The following MYO1F variants were observed in gnomAD, a reference collection of about 807,000 sequenced individuals.
The protein encoded by MYO1F is myosin IF.
In MYO1F, 60 loss-of-function variants were observed where a neutral mutation model predicts 146.6. The observed-to-expected ratio is 0.41, with a 90% confidence interval of 0.33 to 0.51. The LOEUF (loss-of-function observed/expected upper bound fraction) is 0.51. MYO1F is among the 20% of genes least tolerant of loss of function. The pLI is 0.25. For synonymous variants in MYO1F, 602 were observed against 602.1 expected, an observed-to-expected ratio of 1.00 and a Z score of 0.00; for missense variants, 1,274 against 1,534.3, an observed-to-expected ratio of 0.83 and a Z score of 2.83.
intron 19 of MYO1F, among the ~76,000 whole-genome samples, chr19:8,532,674 C>T (rs186934753): frequency 3.3e-5 from 5 of 151,952 alleles, no homozygotes; most frequent in Admixed American, 3.3e-4. Flanking sequence ...ATTGTTGAGC[C>T]CAGGAGTTCA....
intron 12 of MYO1F, 31 bp downstream of exon 12, chr19:8,548,003 GGA>G: frequency 1.5e-6 from 1 of 655,640 alleles, no homozygotes; most frequent in Non-Finnish European, 2.6e-6. Context: ...CCCCACCCCA[GGA>G]TCCCCCATCC....
intron 1 of MYO1F, among the ~76,000 whole-genome samples, chr19:8,565,718 G>A (rs1349290347): frequency 6.6e-6 from 1 of 151,826 alleles, no homozygotes; most frequent in Admixed American, 6.6e-5. Flanking sequence ...GTGGGGACAC[G>A]GGAAGTGCAT....
rs775501333 is a variant in MYO1F, at chr19:8,522,698, G to A, written c.2986C>T (p.Arg996Trp). The change falls in exon 26 of 28, where the codon CGG becomes TGG. Residue 996 changes from arginine to tryptophan, a missense_variant. Arg to Trp is a moderately radical substitution (Grantham distance 101). This residue lies in a region of MYO1F where 374 missense variants were observed against 379.2 expected (regional missense o/e 0.99). Transcript: ENST00000644032. ...TTGTGCTCTGAGGGCGGACGTGCCCGGGGTCGTCTGCTGGCTCCCAGGGAT... is the reference window on the plus strand; with the variant it reads ...TTGTGCTCTGAGGGCGGACGTGCCCAGGGTCGTCTGCTGGCTCCCAGGGAT... ...STSLGASRRP[R>W]ARPPSEHNTE... 10 of 1,613,860 alleles carry A rather than the reference G, an allele frequency of 6.2e-6. No individual in the cohort carries two copies. The highest frequency in any genetic ancestry group is 2.7e-5 in the African/African-American group (2 of 75,036).
intron 4 of MYO1F, among the ~76,000 whole-genome samples, chr19:8,553,894 A>ACTCTCTCTCTCTCTCTCTCTCTCTCT (rs530875155): frequency 3.9e-5 from 4 of 102,606 alleles, no homozygotes; most frequent in Non-Finnish European, 5.7e-5. Flanking sequence ...ACACACACAC[A>ACTCTCTCTCTCTCTCTCTCTCTCTCT]CTCTCTCTCT....
intron 4 of MYO1F, among the ~76,000 whole-genome samples, chr19:8,553,989 C>G (rs1323347415): frequency 1.3e-5 from 2 of 151,852 alleles, no homozygotes; most frequent in Non-Finnish European, 2.9e-5. Flanking sequence ...TGGGGTCTCA[C>G]TCTGTTGCCC....
intron 12 of MYO1F, among the ~76,000 whole-genome samples, chr19:8,546,178 C>T (rs1973349255): frequency 6.6e-6 from 1 of 150,816 alleles, no homozygotes. Flanking sequence ...GATTCTCCTG[C>T]CTCAGCCTCC....
intron 1 of MYO1F, among the ~76,000 whole-genome samples, chr19:8,563,357 G>A (rs1170811602): frequency 2.0e-5 from 3 of 149,928 alleles, no homozygotes; most frequent in African/African-American, 4.9e-5. Context: ...GAGTGCAGTG[G>A]TGAGATCTCA....
At position 8,529,922 on chromosome 19, in the gene MYO1F, T is replaced by C. The variant is rs1972411252; in HGVS notation, c.2328+274A>G. The C allele has an allele frequency of 1.4e-5, 8 of 588,802 alleles. No individual in the cohort carries two copies. The East Asian group carries it at 2.3e-4, about 17-fold the overall frequency. 36.5% of individuals were successfully genotyped at this position (588,802 alleles called of 1,614,324 possible). A position where few individuals can be genotyped will look rare whatever the true frequency, so the allele number is the denominator to read the frequency against. On this transcript the variant is annotated intron_variant, in intron 21 of 27. Transcript: ENST00000644032. The stretch of plus-strand genomic sequence containing the variant: ...TGCCTGGGCTAGGTGAGGATATACC[T>C]GTGATGGAACAGATGGATCTAGGCT...
At chr19:8,528,346 A>G (rs1468566783) in intron 21 of MYO1F, among the ~76,000 whole-genome samples, 5 of 151,760 alleles carry the variant, frequency 3.3e-5, no homozygotes, top group African/African-American at 1.2e-4. Context: ...GGCTAATACC[A>G]TGAAACCCCA....
intron 1 of MYO1F, among the ~76,000 whole-genome samples, chr19:8,556,597 C>G (rs1973868814): frequency 1.3e-5 from 2 of 151,104 alleles, no homozygotes; most frequent in African/African-American, 4.9e-5. Context: ...GTGAAAGAAG[C>G]CAATCTGGGG....
intron 2 of MYO1F, 107 bp downstream of exon 2, chr19:8,555,552 G>A: frequency 6.7e-7 from 1 of 1,495,544 alleles, no homozygotes. Context: ...ACCACTTGGT[G>A]CTCTCCCGGC....
At chr19:8,526,392 G>C in intron 24 of MYO1F, 61 bp downstream of exon 24, 2 of 1,540,932 alleles carry the variant, frequency 1.3e-6, no homozygotes, top group Non-Finnish European at 1.7e-6. Context: ...CCTGGCCTTC[G>C]TCCACTCTTA....
rs1972312811 is a variant in MYO1F, at chr19:8,527,327, C to T, written c.2474+11G>A. On this transcript the variant is annotated intron_variant, in intron 22 of 27. Coordinates refer to ENST00000644032, the MANE Select transcript of MYO1F (RefSeq NM_012335.4). ...AGAGTGACTGTGCGGCAGGTAAGGACCTGGCTTCACCTGAGGGAGACTCCC... is the reference window on the plus strand; with the variant it reads ...AGAGTGACTGTGCGGCAGGTAAGGATCTGGCTTCACCTGAGGGAGACTCCC... 1 of 1,613,870 alleles carries T rather than the reference C, an allele frequency of 6.2e-7. No homozygotes were observed. The highest frequency in any genetic ancestry group is 2.2e-5 in the East Asian group (1 of 44,866).
rs780576676 is a variant in MYO1F at position 8,522,739 on chromosome 19, C to T, written c.2945G>A (p.Arg982Gln). 1.6e-5 allele frequency: 26 copies of T among 1,612,392 alleles called. No homozygotes were observed. The Admixed American group carries it at 1.8e-4, about 11-fold the overall frequency. ...TCCCAGGGATGTGGACGGAGGGCCC[C>T]GGGGAGGCCTGTGGGTGCCCCCTCC... Reference protein sequence around the residue: ...MSGGGTHRPPRGPPSTSLGAS... With the variant: ...MSGGGTHRPPQGPPSTSLGAS... Residue 982 changes from arginine (R) to glutamine (Q), a missense_variant, in exon 26 of 28, where the codon CGG becomes CAG. Coordinates refer to ENST00000644032, the MANE Select transcript of MYO1F (RefSeq NM_012335.4).
Position 8,522,729 on chromosome 19 carries a change from C to T in MYO1F, c.2955G>A (p.Pro985=), listed in dbSNP as rs201007272. 7.8e-5 allele frequency: 126 copies of T among 1,613,048 alleles called. No homozygotes were observed. The highest frequency in any genetic ancestry group is 1.2e-4 in the South Asian group (11 of 91,026). The change falls in exon 26 of 28, where the codon CCG becomes CCA. Residue 985 remains proline (P), a synonymous_variant. Coordinates refer to ENST00000644032, the MANE Select transcript of MYO1F (RefSeq NM_012335.4). ...GGTHRPPRGP[P]STSLGASRRP... is the part of the protein sequence containing the mutation. ...GTCTGCTGGCTCCCAGGGATGTGGA[C>T]GGAGGGCCCCGGGGAGGCCTGTGGG...
At chr19:8,540,248 T>C (rs923230247) in intron 15 of MYO1F, 3 of 489,362 alleles carry the variant, frequency 6.1e-6, no homozygotes, top group African/African-American at 5.8e-5. Flanking sequence ...GGTGCGATGA[T>C]AGGAACTGCA....
chr19:8,535,677 C>T (rs2145850862), intron 19 of MYO1F, among the ~76,000 whole-genome samples: 2 of 151,074 alleles, frequency 1.3e-5, no homozygotes. Flanking sequence ...CAATCACATT[C>T]TTTCTTTCTT....
chr19:8,576,083 G>A (rs968045981), intron 1 of MYO1F, among the ~76,000 whole-genome samples: 1 of 152,136 alleles, frequency 6.6e-6, no homozygotes, highest in South Asian at 2.1e-4. Context: ...TGCACCCTCC[G>A]CCTCCTGGGT....
chr19:8,577,392 G>T lies in MYO1F; in HGVS notation c.-83C>A. 6.6e-7 allele frequency: 1 copy of T among 1,507,234 alleles called. No homozygotes were observed. Among genetic ancestry groups the T allele is most frequent in the Non-Finnish European group, 9.2e-7 (1 of 1,086,208 alleles). 93.4% of individuals were successfully genotyped at this position (1,507,234 alleles called of 1,614,324 possible). On this transcript the variant is annotated 5_prime_UTR_variant, in exon 1 of 28. Transcript: ENST00000644032. This position sits in a 1 kb window ranked among gnomAD's most constrained non-coding sequence, Gnocchi z 4.3. ...CAGGTTCAGGGGGATCTTGGGGGTG[G>T]CTTGGGCATGGCCCTGCTTCTGCCC...
Sources: allele counts gnomAD v4.1 joint callset (sites outside exome capture counted in the v4.1 genomes callset), GRCh38; gene constraint gnomAD v4.1.1; regional missense constraint gnomAD v4.1.1; non-coding constraint Gnocchi (gnomAD v3.1); transcripts MANE v1.5; gene names NCBI Gene and HGNC (gene_info 2026-07-23, HGNC 2026-07-21).